SORCS3: variants seen among roughly 807,000 people sequenced by gnomAD.
The protein encoded by SORCS3 is sortilin related VPS10 domain containing receptor 3.
Under a neutral mutation model 146.3 loss-of-function variants are expected in SORCS3, and 57 were observed. The observed-to-expected ratio is 0.39, with a 90% confidence interval of 0.31 to 0.49. SORCS3 has a LOEUF of 0.49. SORCS3 is among the 20% of genes least tolerant of loss of function. The pLI is 0.92. For synonymous variants in SORCS3, 653 were observed against 618.5 expected, an observed-to-expected ratio of 1.06 and a Z score of -0.83; for missense variants, 1,341 against 1,575.5, an observed-to-expected ratio of 0.85 and a Z score of 2.52.
At chr10:104,940,336 G>A (rs1340620348) in intron 3 of SORCS3, among the ~76,000 whole-genome samples, 2 of 122,964 alleles carry the variant, frequency 1.6e-5, no homozygotes, top group African/African-American at 7.4e-5. Flanking sequence ...TTGGTGTGCC[G>A]CACCCATTAA....
chr10:105,261,651 G>T (rs73352837), intron 25 of SORCS3, among the ~76,000 whole-genome samples: 2 of 152,212 alleles, frequency 1.3e-5, no homozygotes, highest in Admixed American at 1.3e-4. Flanking sequence ...GAAGATTTCA[G>T]TGTGAAGCCG....
intron 1 of SORCS3, among the ~76,000 whole-genome samples, chr10:104,741,374 A>G (rs774302620): frequency 1.3e-5 from 2 of 152,098 alleles, no homozygotes; most frequent in African/African-American, 2.4e-5. Flanking sequence ...TATCTGTCTC[A>G]TTAGATATTC....
At chr10:104,790,341 AAGTC>A (rs139399019) in intron 1 of SORCS3, among the ~76,000 whole-genome samples, 23,213 of 152,148 alleles carry the variant, frequency 0.15, 2,233 homozygotes, top group Middle Eastern at 0.27. Flanking sequence ...GGGAAACAAA[AAGTC>A]AGCCATATTG....
In SORCS3 at chr10:104,716,590, A is replaced by G. The variant is rs2016482493; in HGVS notation, c.627+74636A>G. ...AGAGAAGAATGAGGATGAGAATATGAATGAGAATAAGAATTGAACTTAAAA... is the reference window on the plus strand; with the variant it reads ...AGAGAAGAATGAGGATGAGAATATGGATGAGAATAAGAATTGAACTTAAAA... On this transcript the variant is annotated intron_variant, in intron 1 of 26. Coordinates refer to ENST00000369701, the MANE Select transcript of SORCS3 (RefSeq NM_014978.3). 2.0e-5 allele frequency among the ~76,000 whole-genome samples: 3 copies of G among 152,246 alleles called. No individual in the cohort carries two copies. In the South Asian group the frequency reaches 6.2e-4, roughly 32 times the overall value.
At chr10:105,187,493 T>G (rs2056485896) in intron 14 of SORCS3, among the ~76,000 whole-genome samples, 1 of 152,198 alleles carries the variant, frequency 6.6e-6, no homozygotes, top group Admixed American at 6.5e-5. Context: ...GTGGCCTGAA[T>G]TTCTGGAGAC....
At chr10:104,911,552 G>A (rs1472796895) in intron 2 of SORCS3, among the ~76,000 whole-genome samples, 2 of 152,218 alleles carry the variant, frequency 1.3e-5, no homozygotes, top group African/African-American at 4.8e-5. Flanking sequence ...AGGGATCCCT[G>A]AGAATTTAGC....
chr10:105,044,178 G>C, intron 5 of SORCS3, among the ~76,000 whole-genome samples: 1 of 152,034 alleles, frequency 6.6e-6, no homozygotes, highest in East Asian at 1.9e-4. Context: ...AGACCAGCCT[G>C]GTCATTATAG....
intron 7 of SORCS3, among the ~76,000 whole-genome samples, chr10:105,132,436 T>C (rs2056026944): frequency 6.6e-6 from 1 of 152,190 alleles, no homozygotes; most frequent in Non-Finnish European, 1.5e-5. Flanking sequence ...TGTCTACTTA[T>C]AAATTCTAGA....
At chr10:104,818,955 T>G (rs1003161561) in intron 1 of SORCS3, among the ~76,000 whole-genome samples, 1 of 152,062 alleles carries the variant, frequency 6.6e-6, no homozygotes, top group African/African-American at 2.4e-5. Flanking sequence ...AAAAACAAAA[T>G]GAAGTGAAAC....
chr10:104,986,426 G>A (rs2054962661), intron 4 of SORCS3, among the ~76,000 whole-genome samples: 2 of 152,156 alleles, frequency 1.3e-5, no homozygotes, highest in Admixed American at 6.6e-5. Flanking sequence ...CTTTATATCA[G>A]CAATAAGGCT....
In SORCS3 at chr10:104,898,799, C is replaced by T. The variant is rs558070834; in HGVS notation, c.696-17034C>T. ...CCTAATGTGGAAGGAGGCTGGATCTCGAAAGCACTGCATAGAACAGAGCCC... is the reference window on the plus strand; with the variant it reads ...CCTAATGTGGAAGGAGGCTGGATCTTGAAAGCACTGCATAGAACAGAGCCC... On this transcript the variant is annotated intron_variant, in intron 2 of 26. Transcript: ENST00000369701. Among the ~76,000 whole-genome samples the T allele has an allele frequency of 3.0e-4, 45 of 152,260 alleles. No individual in the cohort carries two copies. The South Asian group carries it at 3.1e-3, about 11-fold the overall frequency.
chr10:105,215,223 T>C (rs917405949), intron 18 of SORCS3, among the ~76,000 whole-genome samples: 1 of 152,224 alleles, frequency 6.6e-6, no homozygotes, highest in African/African-American at 2.4e-5. Context: ...GATTCCAGTA[T>C]GGGAATATCT....
intron 3 of SORCS3, among the ~76,000 whole-genome samples, chr10:104,958,421 A>C (rs2054768139): frequency 6.6e-6 from 1 of 152,188 alleles, no homozygotes; most frequent in South Asian, 2.1e-4. Context: ...GTTATATGGC[A>C]AGAGGGAATT....
At chr10:104,833,489 G>A (rs991601461) in intron 1 of SORCS3, among the ~76,000 whole-genome samples, 5 of 152,100 alleles carry the variant, frequency 3.3e-5, no homozygotes, top group African/African-American at 7.2e-5. Flanking sequence ...GGTAACTGGG[G>A]AAGAGGCTCA....
In SORCS3 at chr10:105,066,779, A is replaced by C. The variant is rs368230314; in HGVS notation, c.1029-22996A>C. On this transcript the variant is annotated intron_variant, in intron 5 of 26. Transcript: ENST00000369701. ...ATTTGGAGGAGTCAGGCTCCTCCAAATCATGACCATTTCTTTACTACTCAC... is the reference window on the plus strand; with the variant it reads ...ATTTGGAGGAGTCAGGCTCCTCCAACTCATGACCATTTCTTTACTACTCAC... 2.0e-5 allele frequency among the ~76,000 whole-genome samples: 3 copies of C among 151,972 alleles called. No individual in the cohort carries two copies. In the East Asian group the frequency reaches 5.8e-4, roughly 29 times the overall value.
chr10:105,137,053 C>T (rs532525067), intron 7 of SORCS3, among the ~76,000 whole-genome samples: 3 of 152,140 alleles, frequency 2.0e-5, no homozygotes, highest in Non-Finnish European at 4.4e-5. Flanking sequence ...TCTCTTTTGG[C>T]CGTTGGTGAC....
intron 1 of SORCS3, among the ~76,000 whole-genome samples, chr10:104,655,050 T>A (rs1055975517): frequency 1.3e-5 from 2 of 152,138 alleles, no homozygotes; most frequent in Non-Finnish European, 2.9e-5. Flanking sequence ...GTCGGGAGTT[T>A]GAGACCAGCC....
rs535863535 is a variant in SORCS3, at chr10:104,760,907, GT to G, written c.628-81872del. Among the ~76,000 whole-genome samples the G allele has an allele frequency of 3.2e-3, 471 of 145,274 alleles. 1 individual carries two copies. Among genetic ancestry groups the G allele is most frequent in the Middle Eastern group, 0.011 (3 of 278 alleles). ...TCTGAAGTACTGCAGGACAGATTAC[GT>G]TTTTTTTTTTTTCTCCATTTGTTTT... On this transcript the variant is annotated intron_variant, in intron 1 of 26. Coordinates refer to ENST00000369701, the MANE Select transcript of SORCS3 (RefSeq NM_014978.3).
rs1415812119 is a variant in SORCS3 at position 104,658,377 on chromosome 10, C to T, written c.627+16423C>T. 2.0e-5 allele frequency among the ~76,000 whole-genome samples: 3 copies of T among 152,132 alleles called. No homozygotes were observed. The East Asian group carries it at 5.8e-4, about 29-fold the overall frequency. ...CTGCATGCTTCTAAGCAGAGCTGGT[C>T]CTACCTGTAGATGAAATTGGTAGGT... On this transcript the variant is annotated intron_variant, in intron 1 of 26. Transcript: ENST00000369701.
Sources: gnomAD v4.1 joint callset for allele counts (sites outside exome capture counted in the v4.1 genomes callset) on GRCh38, gnomAD v4.1.1 for gene constraint, MANE v1.5 for transcripts, NCBI Gene and HGNC (gene_info 2026-07-23, HGNC 2026-07-21) for gene names.